The following HS6ST2 variants were observed in gnomAD, a reference collection of about 807,000 sequenced individuals.
HS6ST2 encodes the protein heparan sulfate 6-O-sulfotransferase 2.
Under a neutral mutation model 33.0 loss-of-function variants are expected in HS6ST2, and 17 were observed. The observed-to-expected ratio is 0.52, with a 90% CI of 0.35 to 0.77. The LOEUF (loss-of-function observed/expected upper bound fraction) is 0.77. Ranked by LOEUF, HS6ST2 falls within the 30% of genes least tolerant of loss-of-function variation. HS6ST2 has a pLI of 0.01. For synonymous variants in HS6ST2, 248 were observed against 237.1 expected (o/e 1.05, Z -0.42); for missense variants, 519 against 551.7 (o/e 0.94, Z 0.59).
chrX:132,668,137 G>A (rs2063823818), intron 4 of HS6ST2: 1 of 111,908 alleles, frequency 8.9e-6, no homozygotes, highest in Non-Finnish European at 1.9e-5. Context: ...CAGCATTTAC[G>A]GTCCAATGCT....
intron 2 of HS6ST2, among the ~76,000 whole-genome samples, chrX:132,928,290 T>C (rs948187800): frequency 2.7e-5 from 3 of 110,031 alleles, no homozygotes; most frequent in African/African-American, 9.9e-5. Flanking sequence ...TTTTGTAGTT[T>C]TAGTAGAGAT....
intron 2 of HS6ST2, among the ~76,000 whole-genome samples, chrX:132,765,348 G>A (rs751722370): frequency 8.9e-6 from 1 of 112,772 alleles, no homozygotes; most frequent in Non-Finnish European, 1.9e-5. Flanking sequence ...TTAATGCAAG[G>A]AGAATCTTCT....
intron 2 of HS6ST2, among the ~76,000 whole-genome samples, chrX:132,820,553 G>A (rs766401468): frequency 8.0e-5 from 9 of 111,937 alleles, no homozygotes; most frequent in African/African-American, 2.6e-4. Flanking sequence ...ACAGACAGCA[G>A]GCTGAAGACC....
At chrX:132,857,389 A>C (rs1273190572) in intron 2 of HS6ST2, among the ~76,000 whole-genome samples, 4 of 109,207 alleles carry the variant, frequency 3.7e-5, no homozygotes, top group Non-Finnish European at 7.7e-5. Flanking sequence ...GAGGCTGAGG[A>C]AGGAGAATTG....
intron 2 of HS6ST2, among the ~76,000 whole-genome samples, chrX:132,951,095 C>T (rs1320226948): frequency 9.0e-6 from 1 of 111,197 alleles, no homozygotes; most frequent in African/African-American, 3.3e-5. Flanking sequence ...CTCTCCAGCC[C>T]GAACCAGATC....
chrX:132,839,825 T>C (rs1371454572), intron 2 of HS6ST2, among the ~76,000 whole-genome samples: 1 of 110,908 alleles, frequency 9.0e-6, no homozygotes, highest in Non-Finnish European at 1.9e-5. Flanking sequence ...CTCTTCAAAT[T>C]AGAACCTCTG....
intron 2 of HS6ST2, among the ~76,000 whole-genome samples, chrX:132,745,340 C>T (rs1024642097): frequency 2.7e-5 from 3 of 112,293 alleles, no homozygotes; most frequent in Admixed American, 9.4e-5. Flanking sequence ...CTGCCTTAGC[C>T]TCCCGAAGTG....
intron 2 of HS6ST2, among the ~76,000 whole-genome samples, chrX:132,841,828 G>A (rs928017126): frequency 2.7e-5 from 3 of 111,562 alleles, no homozygotes; most frequent in East Asian, 2.8e-4. Context: ...CTATAGGCCC[G>A]TCATACTAGG....
At chrX:132,933,560 C>A (rs752443960) in intron 2 of HS6ST2, among the ~76,000 whole-genome samples, 14 of 111,323 alleles carry the variant, frequency 1.3e-4, no homozygotes, top group African/African-American at 3.9e-4. Flanking sequence ...AAAAAAAAAT[C>A]TTAATGGCTA....
At position 132,669,100 on chromosome X, in the gene HS6ST2, C is replaced by G. The variant is rs993531409; in HGVS notation, c.1067+13G>C. The G allele has an allele frequency of 1.7e-6, 2 of 1,144,821 alleles. No homozygotes were observed. The highest frequency in any genetic ancestry group is 3.6e-5 in the African/African-American group (2 of 55,777). 94.3% of individuals were successfully genotyped at this position (1,144,821 alleles called of 1,213,427 possible). On this transcript the variant is annotated intron_variant, in intron 4 of 4. Transcript: ENST00000370833. The stretch of plus-strand genomic sequence containing the variant: ...CAGCTATGTCAGATGTACAGGAGCA[C>G]TTTTTCACTTACTTCCCACTCTTAG...
At chrX:132,816,288 C>T (rs1260321957) in intron 2 of HS6ST2, among the ~76,000 whole-genome samples, 3 of 111,869 alleles carry the variant, frequency 2.7e-5, no homozygotes, top group African/African-American at 9.8e-5. Flanking sequence ...TGAATTATTA[C>T]CTTTTGAATT....
chrX:132,773,556 T>C (rs771477422), intron 2 of HS6ST2, among the ~76,000 whole-genome samples: 1 of 111,260 alleles, frequency 9.0e-6, no homozygotes, highest in South Asian at 3.8e-4. Context: ...TCATAATAGC[T>C]GAGAAATGGA....
At chrX:132,706,577 C>T (rs1339089874) in intron 3 of HS6ST2, among the ~76,000 whole-genome samples, 1 of 111,965 alleles carries the variant, frequency 8.9e-6, no homozygotes, top group African/African-American at 3.2e-5. Context: ...CAATTAGTAT[C>T]GCTGTTAATT....
intron 2 of HS6ST2, among the ~76,000 whole-genome samples, chrX:132,853,260 C>A (rs1197214504): frequency 9.0e-6 from 1 of 110,997 alleles, no homozygotes; most frequent in Admixed American, 9.5e-5. Context: ...CTCAAGCAAT[C>A]CTCCTGAATC....
intron 2 of HS6ST2, among the ~76,000 whole-genome samples, chrX:132,942,201 G>A (rs1254775664): frequency 9.0e-6 from 1 of 111,587 alleles, no homozygotes; most frequent in African/African-American, 3.3e-5. Context: ...ATCTGGCAAT[G>A]AGCTCAAATA....
intron 2 of HS6ST2, among the ~76,000 whole-genome samples, chrX:132,877,903 G>A (rs1230382308): frequency 1.8e-5 from 2 of 110,915 alleles, no homozygotes; most frequent in South Asian, 3.8e-4. Flanking sequence ...TGGAGGAGAC[G>A]GTCTTGGAAA....
intron 2 of HS6ST2, among the ~76,000 whole-genome samples, chrX:132,877,454 G>C (rs2066118325): frequency 9.0e-6 from 1 of 111,619 alleles, no homozygotes; most frequent in Non-Finnish European, 1.9e-5. Flanking sequence ...AGCTTAAAAT[G>C]AGGAAACTAC....
In HS6ST2 at chrX:132,945,485, C is replaced by T. The variant is rs181398492; in HGVS notation, c.947+11323G>A. On this transcript the variant is annotated intron_variant, in intron 2 of 4. Transcript: ENST00000370833. ...ATCTAGAACTAGAAATACCATTTGA[C>T]GCAGCCATCCCATTACTGGGTATAT... Among the ~76,000 whole-genome samples, 377 of 111,220 alleles carry T rather than the reference C, an allele frequency of 3.4e-3. 1 individual carries two copies. Among genetic ancestry groups the T allele is most frequent in the African/African-American group, 0.012 (352 of 30,582 alleles).
At chrX:132,953,466 A>G (rs1384509052) in intron 2 of HS6ST2, among the ~76,000 whole-genome samples, 2 of 111,912 alleles carry the variant, frequency 1.8e-5, no homozygotes, top group Admixed American at 1.9e-4. Flanking sequence ...GCGGAGGCAG[A>G]GAAGCATCCC....
Sources: allele counts gnomAD v4.1 joint callset (sites outside exome capture counted in the v4.1 genomes callset), GRCh38; gene constraint gnomAD v4.1.1; transcripts MANE v1.5; gene names NCBI Gene and HGNC (gene_info 2026-07-23, HGNC 2026-07-21).